The following TMEM135 variants were observed in gnomAD, a reference collection of about 807,000 sequenced individuals.
TMEM135 encodes the protein transmembrane protein 135.
Under a neutral mutation model 60.3 loss-of-function variants are expected in TMEM135, and 30 were observed. That is an observed-to-expected ratio of 0.50 (90% CI 0.37 to 0.68). TMEM135 has a LOEUF of 0.68. Among genes scored for constraint, TMEM135 ranks in the 30% least tolerant of loss-of-function variants. The probability of loss-of-function intolerance (pLI) is 0.00; values close to 1 mark genes in which losing one functional copy is unlikely to be tolerated. For synonymous variants in TMEM135, 190 were observed against 186.7 expected (o/e 1.02, Z -0.14); for missense variants, 468 against 548.8 (o/e 0.85, Z 1.47).
rs563549234 is a variant in TMEM135, at chr11:87,051,552, C to T, written c.141+13366C>T. On this transcript the variant is annotated intron_variant, in intron 1 of 14. Transcript: ENST00000305494. ...CAGAGAGCCAAATCATAAGTGAACT[C>T]CCATTCACAATTGCTTCAAAGAGAA... is the stretch of plus-strand genomic sequence containing the variant. Among the ~76,000 whole-genome samples the T allele has an allele frequency of 2.9e-5, 2 of 68,008 alleles. 1 individual carries two copies. Among genetic ancestry groups the T allele is most frequent in the Non-Finnish European group, 4.7e-5 (2 of 42,408 alleles). 44.6% of individuals were successfully genotyped at this position (68,008 alleles called of 152,430 possible).
In TMEM135 at chr11:87,325,893, T is replaced by C. The variant is rs538686986; in HGVS notation, c.*4560T>C. ...TTTCTTTTACTTTCTCCATTTTTTT[T>C]CCATCTGTCCCTCCTACGAATATGT... On this transcript the variant is annotated 3_prime_UTR_variant, in exon 15 of 15. Transcript: ENST00000305494. The C allele has an allele frequency of 3.7e-5, 17 of 454,042 alleles. No individual in the cohort carries two copies. The highest frequency in any genetic ancestry group is 3.0e-4 in the African/African-American group (15 of 50,096). 28.1% of individuals were successfully genotyped at this position (454,042 alleles called of 1,614,324 possible). A position where few individuals can be genotyped will look rare whatever the true frequency, so the allele number is the denominator to read the frequency against.
At chr11:87,215,212 A>G (rs1288581224) in intron 5 of TMEM135, among the ~76,000 whole-genome samples, 1 of 152,198 alleles carries the variant, frequency 6.6e-6, no homozygotes, top group Non-Finnish European at 1.5e-5. Context: ...ACTGAATTGG[A>G]TAGGGTTCTT....
intron 4 of TMEM135, among the ~76,000 whole-genome samples, chr11:87,106,120 T>C (rs1349771921): frequency 6.6e-6 from 1 of 152,136 alleles, no homozygotes; most frequent in African/African-American, 2.4e-5. Context: ...TTTTTTTTTT[T>C]TGAGACAGAG....
chr11:87,326,284 A>T lies in TMEM135; in HGVS notation c.*4951A>T. 3 of 454,002 alleles carry T rather than the reference A, an allele frequency of 6.6e-6. No homozygotes were observed. Among genetic ancestry groups the T allele is most frequent in the Non-Finnish European group, 1.3e-5 (3 of 226,776 alleles). The allele number at this position is 454,002 out of a possible 1,614,324, so 28.1% of individuals were successfully genotyped here. On this transcript the variant is annotated 3_prime_UTR_variant, in exon 15 of 15. Coordinates refer to ENST00000305494, the MANE Select transcript of TMEM135 (RefSeq NM_022918.4). The stretch of plus-strand genomic sequence containing the variant: ...TCAGCATCCCTTTCTGTCTTGAGAG[A>T]TTCAGGCTTCCATAAAGTAGACCTG...
chr11:87,203,976 TC>T (rs1392290073), intron 5 of TMEM135, among the ~76,000 whole-genome samples: 4 of 152,252 alleles, frequency 2.6e-5, no homozygotes, highest in African/African-American at 9.6e-5. Context: ...TCTTTTCTTT[TC>T]TCCACTACTC....
At chr11:87,229,348 A>T (rs1214592754) in intron 5 of TMEM135, among the ~76,000 whole-genome samples, 1 of 152,178 alleles carries the variant, frequency 6.6e-6, no homozygotes, top group African/African-American at 2.4e-5. Flanking sequence ...AAACAAAAGG[A>T]TTATAAACCT....
At chr11:87,295,131 A>G (rs1418600769) in intron 6 of TMEM135, among the ~76,000 whole-genome samples, 1 of 152,186 alleles carries the variant, frequency 6.6e-6, no homozygotes, top group African/African-American at 2.4e-5. Flanking sequence ...TAGTGATATG[A>G]TTAAATGAGA....
At position 87,163,755 on chromosome 11, in the gene TMEM135, C is replaced by T. The variant is rs1211830809; in HGVS notation, c.462+6349C>T. 7.3e-3 allele frequency among the ~76,000 whole-genome samples: 1,042 copies of T among 142,714 alleles called. 3 individuals carry two copies. The highest frequency in any genetic ancestry group is 0.012 in the Admixed American group (168 of 14,116). The allele number at this position is 142,714 out of a possible 152,430, so 93.6% of individuals were successfully genotyped here. On this transcript the variant is annotated intron_variant, in intron 5 of 14. Coordinates refer to ENST00000305494, the MANE Select transcript of TMEM135 (RefSeq NM_022918.4). ...CTAACTGGTGTGAGATGGTATCTCA[C>T]TGTGGTTTTGATTTGCATTTCTCTG...
chr11:87,304,306 G>T (rs569420535), intron 8 of TMEM135, among the ~76,000 whole-genome samples: 6 of 152,300 alleles, frequency 3.9e-5, no homozygotes, highest in African/African-American at 1.4e-4. Context: ...AGGAGTTCAA[G>T]GCTGCGGTGA....
intron 6 of TMEM135, among the ~76,000 whole-genome samples, chr11:87,256,858 C>T (rs751146267): frequency 2.6e-4 from 40 of 152,074 alleles, no homozygotes; most frequent in Admixed American, 4.6e-4. Context: ...CTTTTCCTCC[C>T]TCCTTTGCCC....
chr11:87,159,998 C>T (rs1313317556), intron 5 of TMEM135, among the ~76,000 whole-genome samples: 2 of 151,876 alleles, frequency 1.3e-5, no homozygotes, highest in South Asian at 2.1e-4. Flanking sequence ...TTTATTTGTC[C>T]TAGGGCATTT....
At chr11:87,046,593 A>G (rs1189731278) in intron 1 of TMEM135, among the ~76,000 whole-genome samples, 1 of 152,196 alleles carries the variant, frequency 6.6e-6, no homozygotes, top group African/African-American at 2.4e-5. Context: ...GCGGTATGTA[A>G]GTGGAGAATG....
In TMEM135 at chr11:87,179,214, T is replaced by C. The variant is rs181111564; in HGVS notation, c.462+21808T>C. On this transcript the variant is annotated intron_variant, in intron 5 of 14. Transcript: ENST00000305494. ...ATTTTCTTGCCCTTTTTTCATGGGG[T>C]TTATTGTCTTATTACTGAATTGCAG... 2.0e-3 allele frequency among the ~76,000 whole-genome samples: 299 copies of C among 152,008 alleles called. 5 individuals carry two copies. The highest frequency in any genetic ancestry group is 7.0e-3 in the African/African-American group (289 of 41,338).
At chr11:87,113,069 G>T (rs1426493040) in intron 4 of TMEM135, among the ~76,000 whole-genome samples, 1 of 151,994 alleles carries the variant, frequency 6.6e-6, no homozygotes, top group Non-Finnish European at 1.5e-5. Flanking sequence ...TAAATGTATA[G>T]GAAAAAGTAT....
At chr11:87,106,367 G>C (rs1257544354) in intron 4 of TMEM135, among the ~76,000 whole-genome samples, 1 of 152,166 alleles carries the variant, frequency 6.6e-6, no homozygotes, top group Non-Finnish European at 1.5e-5. Flanking sequence ...GCCTCTCAAA[G>C]TGTTGGGATT....
At chr11:87,067,617 A>T in intron 1 of TMEM135, 77 bp from the exon 2 acceptor site, 1 of 1,574,472 alleles carries the variant, frequency 6.4e-7, no homozygotes, top group Non-Finnish European at 8.7e-7. Context: ...ATGCTTTTAT[A>T]CAGTAGCTTC....
chr11:87,242,963 T>C (rs10792920), intron 6 of TMEM135, among the ~76,000 whole-genome samples: 78,117 of 126,876 alleles, frequency 0.62, 24,262 homozygotes, highest in Non-Finnish European at 0.67. Flanking sequence ...CTAGGTTTTC[T>C]TCTAGGGTTT....
intron 5 of TMEM135, among the ~76,000 whole-genome samples, chr11:87,199,878 C>T (rs1006065696): frequency 4.6e-5 from 7 of 152,138 alleles, no homozygotes; most frequent in African/African-American, 1.2e-4. Context: ...GGCAGTGAAT[C>T]GAGATCATGC....
At chr11:87,061,296 G>A (rs559173282) in intron 1 of TMEM135, among the ~76,000 whole-genome samples, 131 of 152,196 alleles carry the variant, frequency 8.6e-4, no homozygotes, top group Non-Finnish European at 1.5e-3. Context: ...GGCATTTTTG[G>A]TTATCACAGC....
Sources: gnomAD v4.1 joint callset for allele counts (sites outside exome capture counted in the v4.1 genomes callset) on GRCh38, gnomAD v4.1.1 for gene constraint, MANE v1.5 for transcripts, NCBI Gene and HGNC (gene_info 2026-07-23, HGNC 2026-07-21) for gene names.